Variants in RALGDS observed in about 807,000 individuals in gnomAD.
RALGDS encodes ral guanine nucleotide exchange factor.
Under a neutral mutation model 99.8 loss-of-function variants are expected in RALGDS, and 44 were observed. That is an observed-to-expected ratio of 0.44 (90% CI 0.35 to 0.57). The LOEUF is 0.57. Among genes scored for constraint, RALGDS ranks in the 20% least tolerant of loss-of-function variants. The pLI is 0.01. For synonymous variants in RALGDS, 529 were observed against 505.0 expected, an observed-to-expected ratio of 1.05 and a Z score of -0.64; for missense variants, 1,022 against 1,203.1, an observed-to-expected ratio of 0.85 and a Z score of 2.23.
At chr9:133,136,149 C>G (rs1832422619) in intron 1 of RALGDS, among the ~76,000 whole-genome samples, 1 of 152,160 alleles carries the variant, frequency 6.6e-6, no homozygotes, top group Non-Finnish European at 1.5e-5. Flanking sequence ...GGGAAAAACA[C>G]AACACATAAA....
At chr9:133,110,164 C>A (rs1358245846) in intron 3 of RALGDS, 132 bp downstream of exon 3, 1 of 959,864 alleles carries the variant, frequency 1.0e-6, no homozygotes, top group Non-Finnish European at 1.6e-6. Context: ...GTCCTCTTAG[C>A]ACTCCAGTTT....
rs187516699 is a variant in RALGDS at position 133,127,512 on chromosome 9, C to T, written c.132+3440G>A. 1.1e-3 allele frequency among the ~76,000 whole-genome samples: 172 copies of T among 152,342 alleles called. 1 individual carries two copies. Among genetic ancestry groups the T allele is most frequent in the South Asian group, 2.3e-3 (11 of 4,830 alleles). ...ACATGAAAAGGGTGAGGCCTGGACA[C>T]GCTCCTTGGTCATTTCCCAACACTG... is the stretch of plus-strand genomic sequence containing the variant. On this transcript the variant is annotated intron_variant, in intron 1 of 17. Transcript: ENST00000372062.
chr9:133,128,352 G>A (rs897140384), intron 1 of RALGDS, among the ~76,000 whole-genome samples: 3 of 152,164 alleles, frequency 2.0e-5, no homozygotes, highest in African/African-American at 7.2e-5. Flanking sequence ...CCTGGCTGAG[G>A]AAGGGACCAA....
At chr9:133,148,184 T>C (rs1832656743) in intron 1 of RALGDS, among the ~76,000 whole-genome samples, 1 of 152,216 alleles carries the variant, frequency 6.6e-6, no homozygotes, top group African/African-American at 2.4e-5. Flanking sequence ...GTGGGACCCT[T>C]GGAGTCACCC....
Position 133,100,960 on chromosome 9 carries a change from T to C in RALGDS, c.2454+560A>G, listed in dbSNP as rs1830728064. ...TGACCCAGGGCTGGGGTACAGAGGG[T>C]GGGGGTTACAAATGGTTCATCTGTC... On this transcript the variant is annotated intron_variant, in intron 16 of 17. Transcript: ENST00000372050. 2.9e-6 allele frequency: 3 copies of C among 1,046,502 alleles called. No homozygotes were observed. The South Asian group carries it at 1.0e-4, about 35-fold the overall frequency. The allele number at this position is 1,046,502 out of a possible 1,614,324, so 64.8% of individuals were successfully genotyped here.
rs1358214713 is a variant in RALGDS at position 133,101,976 on chromosome 9, T to C, written c.2173A>G (p.Ser725Gly). ...CCATCAGGAGACTCCGGGACGAAGC[T>C]GATGTTGATCTCCTCCACGTCGGAG... ...SSSDVEEINI[S>G]FVPESPDGQE... The change falls in exon 15 of 18, where the codon AGC becomes GGC. Residue 725 changes from serine to glycine, a missense_variant. Ser to Gly is a moderately conservative substitution (Grantham distance 56, BLOSUM62 0). Coordinates refer to ENST00000372050, the MANE Select transcript of RALGDS (RefSeq NM_006266.4). 6.4e-7 allele frequency: 1 copy of C among 1,551,726 alleles called. No homozygotes were observed. Among genetic ancestry groups the C allele is most frequent in the Non-Finnish European group, 8.7e-7 (1 of 1,147,248 alleles).
Position 133,108,709 on chromosome 9 carries a change from G to A in RALGDS, c.742C>T (p.Leu248=). The change falls in exon 5 of 18, where the codon CTG becomes TTG. Residue 248 remains leucine, a synonymous_variant. Transcript: ENST00000372050. ...GCCTCAATGGGTTCCGAGTGCTCCA[G>A]CTGGGCCAGGAGAAGGTGGGCACGG... ...ERRAHLLLAQ[L]EHSEPIEAEP... 2 of 1,613,734 alleles carry A rather than the reference G, an allele frequency of 1.2e-6. No individual in the cohort carries two copies. The highest frequency in any genetic ancestry group is 1.7e-6 in the Non-Finnish European group (2 of 1,180,004).
chr9:133,102,172 C>T lies in RALGDS; in HGVS notation c.2010-33G>A, dbSNP rs186197520. ...AAGAGTTGGCTTAGTTAAGGGGGCT[C>T]CCCAAGGACACATCCCAACCCCACA... On this transcript the variant is annotated intron_variant, in intron 14 of 17. Coordinates refer to ENST00000372050, the MANE Select transcript of RALGDS (RefSeq NM_006266.4). 62 of 1,546,714 alleles carry T rather than the reference C, an allele frequency of 4.0e-5. No homozygotes were observed. The African/African-American group carries it at 7.0e-4, about 17-fold the overall frequency.
At chr9:133,132,706 C>A (rs1173020900), upstream of RALGDS, among the ~76,000 whole-genome samples, 3 of 151,990 alleles carry the variant, frequency 2.0e-5, no homozygotes, top group Admixed American at 1.3e-4. Context: ...GTGGCGCCAT[C>A]TCGGCTCACT....
chr9:133,106,835 C>T, intron 7 of RALGDS, 87 bp from the exon 8 acceptor site: 1 of 1,094,344 alleles, frequency 9.1e-7, no homozygotes, highest in Non-Finnish European at 1.4e-6. Flanking sequence ...GCCTCCCCTC[C>T]TAATGAGACA....
upstream of RALGDS, chr9:133,131,257 T>C (rs557795145): frequency 2.9e-5 from 7 of 242,746 alleles, 1 homozygote; most frequent in South Asian, 8.0e-4. Context: ...GTGGAGACTC[T>C]CAGGGGATGT....
chr9:133,098,802 G>A (rs576652586), intron 17 of RALGDS, 40 bp from the exon 18 acceptor site: 1 of 1,602,122 alleles, frequency 6.2e-7, no homozygotes, highest in East Asian at 2.2e-5. Flanking sequence ...GGATGCTCCT[G>A]GGGGCCCTGC....
intron 1 of RALGDS, among the ~76,000 whole-genome samples, chr9:133,145,074 C>A (rs1832601094): frequency 6.6e-6 from 1 of 152,234 alleles, no homozygotes; most frequent in African/African-American, 2.4e-5. Flanking sequence ...AGGAAGTATC[C>A]TCTCCTAGAA....
At chr9:133,115,161 C>G (rs554688815) in intron 1 of RALGDS, among the ~76,000 whole-genome samples, 2 of 152,198 alleles carry the variant, frequency 1.3e-5, no homozygotes, top group Admixed American at 6.5e-5. Flanking sequence ...GCCATCTCCC[C>G]GCTCAGGCCA....
At chr9:133,143,783 CAACAAT>C (rs747045692) in intron 1 of RALGDS, among the ~76,000 whole-genome samples, 50 of 109,428 alleles carry the variant, frequency 4.6e-4, no homozygotes, top group African/African-American at 1.8e-3. Flanking sequence ...ACAACAACAA[CAACAAT>C]AATAATAATA....
upstream of RALGDS, among the ~76,000 whole-genome samples, chr9:133,122,844 A>G (rs1831996994): frequency 6.6e-6 from 1 of 152,104 alleles, no homozygotes; most frequent in African/African-American, 2.4e-5. Context: ...AGCTGGGATT[A>G]TAGGCACCTG....
At chr9:133,138,042 G>A (rs563106819) in intron 1 of RALGDS, among the ~76,000 whole-genome samples, 4 of 152,196 alleles carry the variant, frequency 2.6e-5, no homozygotes, top group Non-Finnish European at 5.9e-5. Flanking sequence ...CTGTGTGCCC[G>A]GTGCCGCCAC....
chr9:133,131,041 A>C (rs1000498596), exon 1 of RALGDS: 1 of 1,532,426 alleles, frequency 6.5e-7, no homozygotes, highest in African/African-American at 1.4e-5. Flanking sequence ...GGCGGGGAGG[A>C]GAGGGTGTGG....
rs572620681 is a variant in RALGDS, at chr9:133,120,003, G to A, written c.183+969C>T. ...ACGATGCCGCACGGGGACTCAGGAGGTTCACTGTGAAGGCTGCAGCCCAGC... is the reference window on the plus strand; with the variant it reads ...ACGATGCCGCACGGGGACTCAGGAGATTCACTGTGAAGGCTGCAGCCCAGC... On this transcript the variant is annotated intron_variant, in intron 1 of 17. Transcript: ENST00000372050. Among the ~76,000 whole-genome samples the A allele has an allele frequency of 2.4e-4, 37 of 152,306 alleles. 1 individual carries two copies. In the South Asian group the frequency reaches 7.7e-3, roughly 32 times the overall value.
Sources: gnomAD v4.1 joint callset for allele counts (sites outside exome capture counted in the v4.1 genomes callset) on GRCh38, gnomAD v4.1.1 for gene constraint, MANE v1.5 for transcripts, NCBI Gene and HGNC (gene_info 2026-07-23, HGNC 2026-07-21) for gene names.